Variants in CPXM2 observed in about 807,000 individuals in gnomAD.
CPXM2 encodes inactive carboxypeptidase-like protein X2.
A neutral mutation model predicts 86.1 loss-of-function variants in CPXM2; 66 were observed. The ratio of observed to expected loss-of-function variants is 0.77; its 90% CI spans 0.63 to 0.94. The LOEUF is 0.94. CPXM2 is among the 40% of genes least tolerant of loss of function. CPXM2 has a pLI of 0.00. For missense variants in CPXM2, 948 were observed against 1,026.3 expected (o/e 0.92, Z 1.04); for synonymous variants, 388 against 400.2 (o/e 0.97, Z 0.36).
intron 13 of CPXM2, chr10:123,750,442 G>T: frequency 1.0e-6 from 1 of 984,584 alleles, no homozygotes; most frequent in Non-Finnish European, 1.2e-6. Context: ...CCTCCAACTG[G>T]AATGCTATTC....
intron 4 of CPXM2, among the ~76,000 whole-genome samples, chr10:123,822,237 T>C (rs1376626600): frequency 6.6e-6 from 1 of 152,246 alleles, no homozygotes; most frequent in African/African-American, 2.4e-5. Flanking sequence ...CCTGTTCCTT[T>C]ACTTAACAAA....
chr10:123,922,885 T>A (rs918143407), intron 2 of CPXM2, among the ~76,000 whole-genome samples: 1 of 152,212 alleles, frequency 6.6e-6, no homozygotes, highest in African/African-American at 2.4e-5. Flanking sequence ...GAGGCCAACG[T>A]ATCACCCACA....
chr10:123,880,146 A>ATC, intron 2 of CPXM2, 65 bp downstream of exon 2: 2 of 240,424 alleles, frequency 8.3e-6, no homozygotes, highest in Non-Finnish European at 1.7e-5. Flanking sequence ...AGGGGCCTGT[A>ATC]CCCACCCACC....
rs148982861 is a variant in CPXM2, at chr10:123,936,822, C to A, written n.174+2655G>T. ...CCAGGCTCTGGCCTGCACCCTCCTG[C>A]CTTCCTCATCTTCCTCTTCCTCTGT... On this transcript the variant is annotated intron_variant and non_coding_transcript_variant, in intron 2 of 19. Transcript: ENST00000368854. Among the ~76,000 whole-genome samples, 444 of 152,310 alleles carry A rather than the reference C, an allele frequency of 2.9e-3. 6 individuals are homozygous for A. The highest frequency in any genetic ancestry group is 0.01 in the African/African-American group (426 of 41,578).
At chr10:123,832,655 C>T (rs1430627140) in intron 4 of CPXM2, among the ~76,000 whole-genome samples, 2 of 151,858 alleles carry the variant, frequency 1.3e-5, no homozygotes, top group East Asian at 1.9e-4. Context: ...GGCGAAACCC[C>T]GTCCCTACTA....
chr10:123,837,424 C>T (rs1181307713), intron 4 of CPXM2, among the ~76,000 whole-genome samples: 1 of 152,140 alleles, frequency 6.6e-6, no homozygotes, highest in Non-Finnish European at 1.5e-5. Context: ...ATCATTTTGT[C>T]GATTAAAGAG....
At chr10:123,880,745 C>T (rs374873662) in intron 1 of CPXM2, among the ~76,000 whole-genome samples, 10 of 135,426 alleles carry the variant, frequency 7.4e-5, no homozygotes, top group Non-Finnish European at 1.2e-4. Flanking sequence ...AGAAGAATGG[C>T]GTGAACCTGG....
chr10:123,894,254 A>G (rs966731246), upstream of CPXM2, among the ~76,000 whole-genome samples: 5 of 152,196 alleles, frequency 3.3e-5, no homozygotes, highest in African/African-American at 9.7e-5. Context: ...GGTGAGTAAC[A>G]TAACATATAC....
chr10:123,863,375 G>C (rs1300518250), intron 2 of CPXM2, among the ~76,000 whole-genome samples: 4 of 152,188 alleles, frequency 2.6e-5, no homozygotes, highest in Non-Finnish European at 5.9e-5. Flanking sequence ...GAGTGTGAAA[G>C]GCCATGCAGC....
chr10:123,771,122 C>T, intron 7 of CPXM2, 83 bp from the exon 8 acceptor site: 3 of 1,350,874 alleles, frequency 2.2e-6, no homozygotes, highest in East Asian at 2.3e-5. Context: ...ACGGACACCT[C>T]TTGCTTTCCT....
chr10:123,753,610 T>G (rs932928362), intron 13 of CPXM2, among the ~76,000 whole-genome samples: 7 of 152,250 alleles, frequency 4.6e-5, no homozygotes, highest in African/African-American at 1.7e-4. Flanking sequence ...ATGAGCGTTC[T>G]TTGAGAACAG....
chr10:123,829,547 A>G (rs755294589), intron 4 of CPXM2, among the ~76,000 whole-genome samples: 10 of 152,178 alleles, frequency 6.6e-5, no homozygotes, highest in Admixed American at 2.0e-4. Context: ...AAAAGTCAAC[A>G]TCATGTCTTT....
intron 2 of CPXM2, chr10:123,914,202 C>G (rs1945515384): frequency 7.3e-6 from 3 of 408,796 alleles, no homozygotes; most frequent in Non-Finnish European, 1.5e-5. Context: ...GTGAAGCTAA[C>G]CATGAGTCTA....
intron 1 of CPXM2, among the ~76,000 whole-genome samples, chr10:123,883,556 C>A (rs887205449): frequency 2.0e-5 from 3 of 152,222 alleles, no homozygotes; most frequent in Non-Finnish European, 2.9e-5. Context: ...AGACCTCTAT[C>A]TTCTCACCCA....
chr10:123,940,432 C>A (rs1945764114), upstream of CPXM2, among the ~76,000 whole-genome samples: 1 of 152,156 alleles, frequency 6.6e-6, no homozygotes, highest in Admixed American at 6.5e-5. Context: ...ACATCTGTGC[C>A]CTTGTCCCAG....
intron 2 of CPXM2, among the ~76,000 whole-genome samples, chr10:123,928,071 G>A (rs1262578848): frequency 6.6e-6 from 1 of 152,138 alleles, no homozygotes; most frequent in Non-Finnish European, 1.5e-5. Context: ...TCCTGGCTGG[G>A]GCACCCACTC....
intron 6 of CPXM2, among the ~76,000 whole-genome samples, chr10:123,785,426 C>T (rs755475234): frequency 1.3e-5 from 2 of 152,140 alleles, no homozygotes; most frequent in East Asian, 1.9e-4. Context: ...GGGACTCTGA[C>T]ATGTGGCCTA....
At chr10:123,887,938 G>C (rs924564294) in intron 1 of CPXM2, among the ~76,000 whole-genome samples, 2 of 152,038 alleles carry the variant, frequency 1.3e-5, no homozygotes, top group African/African-American at 4.8e-5. Flanking sequence ...TAATATATTG[G>C]GGCTCTACTT....
chr10:123,754,789 T>A lies in CPXM2; in HGVS notation c.1918-27A>T. ...TGCTCAGCAAACATGAGACACAGGG[T>A]GAGGTCACCGACCAGCTCTGGACAC... is the stretch of plus-strand genomic sequence containing the variant. On this transcript the variant is annotated intron_variant, in intron 12 of 13. Transcript: ENST00000241305. The surrounding 1 kb of genome is among the most constrained non-coding windows in gnomAD (Gnocchi z 4.0). 3.0e-6 allele frequency: 4 copies of A among 1,342,156 alleles called. No individual in the cohort carries two copies. Among genetic ancestry groups the A allele is most frequent in the Non-Finnish European group, 4.3e-6 (4 of 931,878 alleles). 83.1% of individuals were successfully genotyped at this position (1,342,156 alleles called of 1,614,324 possible).
Sources: gnomAD v4.1 joint callset for allele counts (sites outside exome capture counted in the v4.1 genomes callset) on GRCh38, gnomAD v4.1.1 for gene constraint, Gnocchi (gnomAD v3.1) non-coding constraint, MANE v1.5 for transcripts, NCBI Gene and HGNC (gene_info 2026-07-23, HGNC 2026-07-21) for gene names.